The following NIPSNAP3A variants were observed in gnomAD, a reference collection of about 807,000 sequenced individuals.
NIPSNAP3A encodes nipsnap homolog 3A.
Under a neutral mutation model 32.3 loss-of-function variants are expected in NIPSNAP3A, and 27 were observed. The observed-to-expected ratio is 0.84, with a 90% CI of 0.62 to 1.15. The LOEUF (loss-of-function observed/expected upper bound fraction) is 1.15, where lower values mean the gene tolerates loss of function less well. Ranked by LOEUF, NIPSNAP3A falls within the 50% of genes most tolerant of loss-of-function variation. The pLI, the probability that NIPSNAP3A is intolerant of heterozygous loss-of-function variation, is 0.00. For synonymous variants in NIPSNAP3A, 108 were observed against 107.3 expected (o/e 1.01, Z -0.04); for missense variants, 278 against 297.2 (o/e 0.94, Z 0.48).
chr9:104,749,446 G>A (rs1436425505), intron 1 of NIPSNAP3A, among the ~76,000 whole-genome samples: 2 of 152,176 alleles, frequency 1.3e-5, no homozygotes, highest in African/African-American at 4.8e-5. Flanking sequence ...ACAAAAATAT[G>A]TCGGAGCAAA....
At chr9:104,754,510 C>T in intron 3 of NIPSNAP3A, 41 bp from the exon 4 acceptor site, 2 of 1,591,876 alleles carry the variant, frequency 1.3e-6, no homozygotes, top group Middle Eastern at 2.1e-4. Context: ...TTGGATATTG[C>T]TTGAATGTTT....
intron 1 of NIPSNAP3A, 65 bp downstream of exon 1, chr9:104,747,917 T>C (rs552886327): frequency 1.6e-5 from 23 of 1,446,208 alleles, no homozygotes; most frequent in Middle Eastern, 2.4e-4. Context: ...CGGGGAGTGT[T>C]CCGGGTACGT....
chr9:104,754,400 A>T (rs562874506), intron 3 of NIPSNAP3A, 151 bp from the exon 4 acceptor site: 109 of 634,260 alleles, frequency 1.7e-4, no homozygotes, highest in Non-Finnish European at 2.7e-4. Context: ...AAAAGCAGAG[A>T]GTGCAAATAT....
At chr9:104,758,655 G>A (rs1032182547) in intron 4 of NIPSNAP3A, among the ~76,000 whole-genome samples, 6 of 151,802 alleles carry the variant, frequency 4.0e-5, no homozygotes, top group Non-Finnish European at 2.9e-5. Context: ...TCACTATTTC[G>A]ATTTAAAGAA....
At chr9:104,755,785 G>A (rs1383301913) in intron 4 of NIPSNAP3A, among the ~76,000 whole-genome samples, 2 of 152,018 alleles carry the variant, frequency 1.3e-5, no homozygotes, top group Non-Finnish European at 2.9e-5. Flanking sequence ...TGGGCATGGT[G>A]GCAAACACCT....
Position 104,759,873 on chromosome 9 carries a change from T to C in NIPSNAP3A, c.*535T>C. ...ACATTGTCATTTGTGACATCATCTA[T>C]ATTAAATATGGTTTTCACATTAGTT... On this transcript the variant is annotated 3_prime_UTR_variant, in exon 6 of 6. Transcript: ENST00000374767. 1 of 153,664 alleles carries C rather than the reference T, an allele frequency of 6.5e-6. No individual in the cohort carries two copies. Among genetic ancestry groups the C allele is most frequent in the Non-Finnish European group, 1.5e-5 (1 of 68,936 alleles). 9.5% of individuals were successfully genotyped at this position (153,664 alleles called of 1,614,324 possible).
At chr9:104,753,241 A>T (rs553078246) in intron 3 of NIPSNAP3A, among the ~76,000 whole-genome samples, 177 bp downstream of exon 3, 1 of 152,304 alleles carries the variant, frequency 6.6e-6, no homozygotes, top group East Asian at 1.9e-4. Flanking sequence ...CTTTAAAAAA[A>T]TGAGCATAAA....
chr9:104,747,978 C>A (rs938078946), intron 1 of NIPSNAP3A, 126 bp downstream of exon 1: 7 of 917,454 alleles, frequency 7.6e-6, no homozygotes, highest in Non-Finnish European at 9.7e-6. Flanking sequence ...CCTGGGGCCC[C>A]GGTGAGGTTC....
intron 2 of NIPSNAP3A, among the ~76,000 whole-genome samples, chr9:104,751,485 T>C (rs1007947783): frequency 2.0e-5 from 3 of 152,288 alleles, no homozygotes; most frequent in Admixed American, 6.5e-5. Context: ...TGGTTTGCTG[T>C]AAAGATAGTT....
At position 104,759,199 on chromosome 9, in the gene NIPSNAP3A, T is replaced by G. The variant is rs752523038; in HGVS notation, c.667+28T>G. 6 of 1,613,790 alleles carry G rather than the reference T, an allele frequency of 3.7e-6. No homozygotes were observed. The Admixed American group carries it at 1.0e-4, about 27-fold the overall frequency. ...AAGCTGTTTGACTAGGCATGAATTA[T>G]TTTTAGAACAAATGTGTTTCAGTCA... is the stretch of plus-strand genomic sequence containing the variant. On this transcript the variant is annotated intron_variant, in intron 5 of 5. Transcript: ENST00000374767.
At chr9:104,748,898 G>A (rs770557243) in intron 1 of NIPSNAP3A, among the ~76,000 whole-genome samples, 32 of 152,120 alleles carry the variant, frequency 2.1e-4, no homozygotes, top group Non-Finnish European at 4.1e-4. Flanking sequence ...AAGGGAGGAT[G>A]GACGACTCAT....
At chr9:104,755,597 A>G (rs75843050) in intron 4 of NIPSNAP3A, among the ~76,000 whole-genome samples, 50 of 152,224 alleles carry the variant, frequency 3.3e-4, no homozygotes, top group African/African-American at 1.2e-3. Context: ...TTTTGTGGCA[A>G]ATTCAGAAAA....
At chr9:104,758,829 A>T (rs2118761972) in intron 4 of NIPSNAP3A, among the ~76,000 whole-genome samples, 1 of 151,354 alleles carries the variant, frequency 6.6e-6, no homozygotes, top group East Asian at 1.9e-4. Flanking sequence ...AATTAGCCGG[A>T]CGTGGTGGTG....
intron 4 of NIPSNAP3A, among the ~76,000 whole-genome samples, chr9:104,757,788 A>C (rs1469545829): frequency 6.6e-6 from 1 of 152,142 alleles, no homozygotes; most frequent in Non-Finnish European, 1.5e-5. Context: ...GTGGTGGTTC[A>C]TGCCTGTAAT....
rs1335626389 is a variant in NIPSNAP3A, at chr9:104,747,851, A to C, written c.59A>C (p.Gln20Pro). 1.2e-6 allele frequency: 2 copies of C among 1,607,528 alleles called. No homozygotes were observed. Among genetic ancestry groups the C allele is most frequent in the African/African-American group, 2.7e-5 (2 of 74,766 alleles). The change falls in exon 1 of 6, where the codon CAG becomes CCG. Residue 20 changes from glutamine (Q) to proline (P), a missense_variant and splice_region_variant. By Grantham distance (76) the Gln-to-Pro change is moderately conservative. Transcript: ENST00000374767. ...CTGGCCTCACGGACGCTGGCGCCTCAGGTACCGGCCACGGGGGTACCCAAG... is the reference window on the plus strand; with the variant it reads ...CTGGCCTCACGGACGCTGGCGCCTCCGGTACCGGCCACGGGGGTACCCAAG... ...RALASRTLAPQMCSSFATGPR... is the reference protein window; with the variant it reads ...RALASRTLAPPMCSSFATGPR...
rs542346577 is a variant in NIPSNAP3A, at chr9:104,751,397, A to T, written c.271+231A>T. On this transcript the variant is annotated intron_variant, in intron 2 of 5. Transcript: ENST00000374767. ...TAAACATTACATTATATTACATTAT[A>T]AATTGGAAGACATGGCATCTCATAT... is the stretch of plus-strand genomic sequence containing the variant. 1.6e-4 allele frequency among the ~76,000 whole-genome samples: 24 copies of T among 152,352 alleles called. 1 individual carries two copies. Among genetic ancestry groups the T allele is most frequent in the African/African-American group, 5.0e-4 (21 of 41,586 alleles).
chr9:104,750,827 T>G, intron 1 of NIPSNAP3A, 129 bp from the exon 2 acceptor site: 2 of 765,596 alleles, frequency 2.6e-6, no homozygotes, highest in Non-Finnish European at 4.6e-6. Context: ...TATTGAGAAT[T>G]GACAACAGAA....
rs371998971 is a variant in NIPSNAP3A, at chr9:104,757,637, CCTT to C, written c.581-1444_581-1442del. Among the ~76,000 whole-genome samples the C allele has an allele frequency of 1.7e-4, 26 of 152,262 alleles. No homozygotes were observed. The East Asian group carries it at 2.3e-3, about 14-fold the overall frequency. On this transcript the variant is annotated intron_variant, in intron 4 of 5. Coordinates refer to ENST00000374767, the MANE Select transcript of NIPSNAP3A (RefSeq NM_015469.3). ...AAGAAACATTGGAAATGTAGTATGACCTTCTTTATGTAATACATACGTAATACA... is the reference window on the plus strand; with the variant it reads ...AAGAAACATTGGAAATGTAGTATGACCTTTATGTAATACATACGTAATACA...
In NIPSNAP3A at chr9:104,759,574, C is replaced by G; in HGVS notation, c.*236C>G. Reference sequence around the variant, plus strand: ...TGTCATACATTAAAAATACTTGTCACTGTTTTAAGATCTTGACTCTTCATT... The same window carrying G: ...TGTCATACATTAAAAATACTTGTCAGTGTTTTAAGATCTTGACTCTTCATT... On this transcript the variant is annotated 3_prime_UTR_variant, in exon 6 of 6. Coordinates refer to ENST00000374767, the MANE Select transcript of NIPSNAP3A (RefSeq NM_015469.3). 1 of 505,842 alleles carries G rather than the reference C, an allele frequency of 2.0e-6. No individual in the cohort carries two copies. Among genetic ancestry groups the G allele is most frequent in the Non-Finnish European group, 3.6e-6 (1 of 280,546 alleles). The allele number at this position is 505,842 out of a possible 1,614,324, so 31.3% of individuals were successfully genotyped here.
Sources: allele counts gnomAD v4.1 joint callset (sites outside exome capture counted in the v4.1 genomes callset), GRCh38; gene constraint gnomAD v4.1.1; transcripts MANE v1.5; gene names NCBI Gene and HGNC (gene_info 2026-07-23, HGNC 2026-07-21).